Variants in NTM observed in about 807,000 individuals in gnomAD.
NTM encodes the protein neurotrimin, also known as IgLON family member 2.
Under a neutral mutation model 42.1 loss-of-function variants are expected in NTM, and 13 were observed. The ratio of observed to expected loss-of-function variants is 0.31; its 90% CI spans 0.20 to 0.49. The LOEUF (loss-of-function observed/expected upper bound fraction) is 0.49. Ranked by LOEUF, NTM falls within the 20% of genes least tolerant of loss-of-function variation. NTM has a pLI of 0.99. For missense variants in NTM, 373 were observed against 452.8 expected (o/e 0.82, Z 1.60); for synonymous variants, 187 against 179.2 (o/e 1.04, Z -0.35).
At chr11:132,293,507 G>A (rs1340433267) in intron 4 of NTM, among the ~76,000 whole-genome samples, 1 of 152,064 alleles carries the variant, frequency 6.6e-6, no homozygotes, top group Non-Finnish European at 1.5e-5. Flanking sequence ...AAAGGGTGGG[G>A]AGGATGTGGA....
intron 4 of NTM, among the ~76,000 whole-genome samples, chr11:132,240,413 A>T (rs1244174069): frequency 6.6e-6 from 1 of 152,224 alleles, no homozygotes; most frequent in Non-Finnish European, 1.5e-5. Flanking sequence ...TGGTGATTCT[A>T]ACAGTCTTCT....
intron 4 of NTM, among the ~76,000 whole-genome samples, chr11:132,299,844 G>T (rs1015906192): frequency 2.0e-5 from 3 of 151,848 alleles, no homozygotes; most frequent in Admixed American, 2.0e-4. Flanking sequence ...TCTCTTTTCC[G>T]CCAGCCATGC....
At chr11:132,132,147 C>T (rs1280942433) in intron 2 of NTM, among the ~76,000 whole-genome samples, 9 of 152,264 alleles carry the variant, frequency 5.9e-5, no homozygotes, top group African/African-American at 2.2e-4. Flanking sequence ...TATACCTGTG[C>T]GACCACTGCC....
At chr11:131,448,787 C>A (rs1020450179) in intron 1 of NTM, among the ~76,000 whole-genome samples, 3 of 152,314 alleles carry the variant, frequency 2.0e-5, no homozygotes, top group Non-Finnish European at 4.4e-5. Context: ...ACCAACAGGC[C>A]AGTGATGTTG....
chr11:131,481,126 G>A (rs1027683601), intron 1 of NTM, among the ~76,000 whole-genome samples: 11 of 152,194 alleles, frequency 7.2e-5, no homozygotes, highest in South Asian at 6.2e-4. Flanking sequence ...CTGATGGATT[G>A]TGAATGGAAA....
At chr11:131,673,543 A>T (rs1180829018) in intron 1 of NTM, among the ~76,000 whole-genome samples, 1 of 152,138 alleles carries the variant, frequency 6.6e-6, no homozygotes, top group Non-Finnish European at 1.5e-5. Flanking sequence ...CTCTGGACAA[A>T]GCTTGCATTT....
chr11:131,420,440 C>T (rs1187267817), intron 1 of NTM, among the ~76,000 whole-genome samples: 3 of 152,184 alleles, frequency 2.0e-5, no homozygotes, highest in Admixed American at 2.0e-4. Flanking sequence ...TGCTTTGGTC[C>T]TCGGCATTTC....
chr11:131,870,181 C>T (rs2047637922), intron 1 of NTM, among the ~76,000 whole-genome samples: 2 of 152,194 alleles, frequency 1.3e-5, no homozygotes, highest in African/African-American at 4.8e-5. Context: ...TAGTTCCATG[C>T]TGAAGTCACA....
At chr11:131,374,268 C>A (rs559423047) in intron 1 of NTM, among the ~76,000 whole-genome samples, 181 of 152,338 alleles carry the variant, frequency 1.2e-3, no homozygotes, top group African/African-American at 4.0e-3. Context: ...TAGCTCACCT[C>A]CGCCCTTTGT....
chr11:132,229,933 C>T (rs551896349), intron 4 of NTM, among the ~76,000 whole-genome samples: 1 of 152,306 alleles, frequency 6.6e-6, no homozygotes, highest in South Asian at 2.1e-4. Context: ...TATCTATTGC[C>T]ATATAGGCAA....
intron 2 of NTM, among the ~76,000 whole-genome samples, chr11:131,997,543 G>A (rs2068299600): frequency 6.6e-6 from 1 of 152,220 alleles, no homozygotes; most frequent in Admixed American, 6.5e-5. Flanking sequence ...TGCAGGCATA[G>A]CACAGGCTGT....
rs113399641 is a variant in NTM, at chr11:132,295,038, C to T, written c.527-12651C>T. 5.6e-3 allele frequency among the ~76,000 whole-genome samples: 849 copies of T among 152,098 alleles called. 10 individuals carry two copies. The highest frequency in any genetic ancestry group is 0.018 in the African/African-American group (767 of 41,484). On this transcript the variant is annotated intron_variant, in intron 4 of 8. Coordinates refer to ENST00000683400, the MANE Select transcript of NTM (RefSeq NM_001352005.2). The stretch of plus-strand genomic sequence containing the variant: ...TAGCTTGATGAAGGCTCTTTTAGTT[C>T]CCCTTAAGAAATATGGAATAAAATT...
intron 4 of NTM, among the ~76,000 whole-genome samples, chr11:132,255,437 T>A (rs1408234968): frequency 6.6e-6 from 1 of 152,094 alleles, no homozygotes; most frequent in Non-Finnish European, 1.5e-5. Flanking sequence ...CTCAGAAAGG[T>A]CAAGGTGTCA....
intron 1 of NTM, among the ~76,000 whole-genome samples, chr11:131,674,114 G>A (rs2070919263): frequency 6.6e-6 from 1 of 152,374 alleles, no homozygotes; most frequent in South Asian, 2.1e-4. Flanking sequence ...TAGGCAGGAG[G>A]AAGGGTCCTA....
At chr11:132,211,600 T>C (rs2082847278) in intron 3 of NTM, 1 of 163,984 alleles carries the variant, frequency 6.1e-6, no homozygotes, top group African/African-American at 2.4e-5. Context: ...AGTCAGGCTA[T>C]GACCAGGTGG....
chr11:131,575,716 A>G (rs972408405), intron 1 of NTM, among the ~76,000 whole-genome samples: 2 of 152,162 alleles, frequency 1.3e-5, no homozygotes, highest in Non-Finnish European at 2.9e-5. Flanking sequence ...AGTGGAAATA[A>G]TAAAAATAAT....
intron 1 of NTM, among the ~76,000 whole-genome samples, chr11:131,468,628 A>G (rs1035351736): frequency 3.9e-5 from 6 of 152,228 alleles, no homozygotes; most frequent in Non-Finnish European, 7.3e-5. Context: ...TTTGAATCAT[A>G]ATAGCTACAA....
At chr11:131,435,151 A>C (rs1180234583) in intron 1 of NTM, among the ~76,000 whole-genome samples, 4 of 151,992 alleles carry the variant, frequency 2.6e-5, no homozygotes, top group Non-Finnish European at 2.9e-5. Flanking sequence ...TGGTCTATAT[A>C]TCTGTTTTGG....
At chr11:131,828,940 TTC>T (rs144973215) in intron 1 of NTM, among the ~76,000 whole-genome samples, 8 of 151,460 alleles carry the variant, frequency 5.3e-5, no homozygotes, top group South Asian at 2.1e-4. Flanking sequence ...CATCTTTTAT[TTC>T]TCTCTCTCTC....
Sources: allele counts gnomAD v4.1 joint callset (sites outside exome capture counted in the v4.1 genomes callset), GRCh38; gene constraint gnomAD v4.1.1; transcripts MANE v1.5; gene names NCBI Gene and HGNC (gene_info 2026-07-23, HGNC 2026-07-21).